The following CIB2 variants were observed in gnomAD, a reference collection of about 807,000 sequenced individuals.
CIB2 encodes calcium and integrin-binding family member 2.
CIB2 carries 19 observed loss-of-function variants against 23.1 expected under a neutral mutation model. The observed-to-expected ratio is 0.82, with a 90% CI of 0.57 to 1.21. The LOEUF (loss-of-function observed/expected upper bound fraction) is 1.21. CIB2 is among the 50% of genes most tolerant of loss of function. CIB2 has a pLI of 0.00. For synonymous variants in CIB2, 94 were observed against 91.7 expected (o/e 1.03, Z -0.14); for missense variants, 220 against 241.5 (o/e 0.91, Z 0.59).
chr15:78,121,079 T>C (rs2074311388), intron 2 of CIB2, among the ~76,000 whole-genome samples: 1 of 152,252 alleles, frequency 6.6e-6, no homozygotes, highest in East Asian at 1.9e-4. Flanking sequence ...GAAACTGGAA[T>C]TGAGCCATCA....
intron 2 of CIB2, among the ~76,000 whole-genome samples, chr15:78,119,283 T>A (rs2074284801): frequency 6.6e-6 from 1 of 152,246 alleles, no homozygotes; most frequent in African/African-American, 2.4e-5. Flanking sequence ...TCCTTCCTTT[T>A]GCAGGTTGAA....
intron 2 of CIB2, among the ~76,000 whole-genome samples, chr15:78,116,971 A>C (rs905584644): frequency 1.3e-4 from 20 of 150,474 alleles, no homozygotes; most frequent in East Asian, 5.8e-4. Flanking sequence ...AAAAAAAAAA[A>C]CACAACTAAG....
intron 2 of CIB2, among the ~76,000 whole-genome samples, chr15:78,118,406 CAT>C (rs2074270151): frequency 6.6e-6 from 1 of 152,020 alleles, no homozygotes; most frequent in African/African-American, 2.4e-5. Context: ...GCCTGACCAA[CAT>C]GGTGAAACCC....
chr15:78,127,179 A>G (rs994772966), intron 1 of CIB2, among the ~76,000 whole-genome samples: 2 of 152,158 alleles, frequency 1.3e-5, no homozygotes, highest in Non-Finnish European at 2.9e-5. Context: ...ATCTCCCCAG[A>G]GTCGGTAGCT....
rs538783433 is a variant in CIB2, at chr15:78,115,834, C to G, written c.87-4558G>C. Reference sequence around the variant, plus strand: ...CTGGGACTACAGGCGCCCGCCACCACACCCGGCTAATTTTTGTATATACTG... The same window carrying G: ...CTGGGACTACAGGCGCCCGCCACCAGACCCGGCTAATTTTTGTATATACTG... On this transcript the variant is annotated intron_variant, in intron 2 of 5. Coordinates refer to ENST00000258930, the MANE Select transcript of CIB2 (RefSeq NM_006383.4). 2.9e-4 allele frequency among the ~76,000 whole-genome samples: 44 copies of G among 151,926 alleles called. No individual in the cohort carries two copies. The South Asian group carries it at 5.4e-3, about 19-fold the overall frequency.
chr15:78,105,936 T>G lies in CIB2; in HGVS notation c.347-2A>C, dbSNP rs1363188459. The G allele has an allele frequency of 6.2e-7, 1 of 1,613,712 alleles. No individual in the cohort carries two copies. Among genetic ancestry groups the G allele is most frequent in the African/African-American group, 1.3e-5 (1 of 74,904 alleles). On this transcript the variant is annotated splice_acceptor_variant, in intron 4 of 5. Coordinates refer to ENST00000258930, the MANE Select transcript of CIB2 (RefSeq NM_006383.4). LOFTEE classifies it high-confidence loss of function. The stretch of plus-strand genomic sequence containing the variant: ...AGATGAAGTTGTCAGTGTTGAAGTC[T>G]GTAGGGCAGGGGTTGGACATGTTCA...
intron 2 of CIB2, among the ~76,000 whole-genome samples, chr15:78,113,574 A>G (rs1464034766): frequency 6.8e-6 from 1 of 147,006 alleles, no homozygotes; most frequent in Admixed American, 6.9e-5. Flanking sequence ...TCTGTCGCCC[A>G]GGCTAGAGTA....
intron 2 of CIB2, 30 bp downstream of exon 2, chr15:78,123,675 C>T (rs373983611): frequency 4.6e-5 from 75 of 1,613,552 alleles, no homozygotes; most frequent in Admixed American, 1.5e-4. Context: ...AGTCCCAGTC[C>T]CAACAGGGTG....
intron 2 of CIB2, among the ~76,000 whole-genome samples, chr15:78,113,592 G>T (rs2074193315): frequency 6.7e-6 from 1 of 150,152 alleles, no homozygotes; most frequent in Admixed American, 6.6e-5. Flanking sequence ...GTACAGTGGC[G>T]CGATCTCGGC....
intron 2 of CIB2, among the ~76,000 whole-genome samples, chr15:78,112,171 C>G (rs1206238445): frequency 6.6e-6 from 1 of 152,216 alleles, no homozygotes; most frequent in Non-Finnish European, 1.5e-5. Flanking sequence ...TCCCCGCCCC[C>G]TGCCCATTAT....
At position 78,105,294 on chromosome 15, in the gene CIB2, C is replaced by T. The variant is rs1247821075; in HGVS notation, c.*17G>A. On this transcript the variant is annotated 3_prime_UTR_variant, in exon 6 of 6. Transcript: ENST00000258930. Reference sequence around the variant, plus strand: ...AGGATGGTGGACTTCTAGGCCCCTACAGCCTCGGCAGTGTCCTCAGATCCG... The same window carrying T: ...AGGATGGTGGACTTCTAGGCCCCTATAGCCTCGGCAGTGTCCTCAGATCCG... 3.1e-6 allele frequency: 5 copies of T among 1,613,936 alleles called. No homozygotes were observed. Among genetic ancestry groups the T allele is most frequent in the Middle Eastern group, 1.7e-4 (1 of 6,050 alleles).
chr15:78,122,698 C>T (rs943937313), intron 2 of CIB2, among the ~76,000 whole-genome samples: 3 of 152,260 alleles, frequency 2.0e-5, no homozygotes, highest in African/African-American at 7.2e-5. Flanking sequence ...CCCAAGGCCA[C>T]AGATGCCAGG....
intron 2 of CIB2, among the ~76,000 whole-genome samples, chr15:78,112,053 C>A (rs1273049069): frequency 6.6e-6 from 1 of 152,166 alleles, no homozygotes; most frequent in Admixed American, 6.5e-5. Context: ...GGGTCAGGTC[C>A]CTAGCTCCTG....
chr15:78,113,952 G>T (rs1247672947), intron 2 of CIB2, among the ~76,000 whole-genome samples: 1 of 152,198 alleles, frequency 6.6e-6, no homozygotes, highest in East Asian at 1.9e-4. Flanking sequence ...CTACACCTCT[G>T]AAGTTTTGTG....
chr15:78,109,409 TG>T, intron 3 of CIB2, 27 bp from the exon 4 acceptor site: 1 of 1,613,374 alleles, frequency 6.2e-7, no homozygotes, highest in Non-Finnish European at 8.5e-7. Flanking sequence ...CAGCAATCAC[TG>T]TGGGTGCAGG....
intron 2 of CIB2, among the ~76,000 whole-genome samples, chr15:78,117,049 A>G (rs2074249886): frequency 6.6e-6 from 1 of 151,746 alleles, no homozygotes; most frequent in Non-Finnish European, 1.5e-5. Context: ...AACAAAAGAT[A>G]TAAAAATATT....
chr15:78,109,599 C>G, intron 3 of CIB2: 1 of 589,622 alleles, frequency 1.7e-6, no homozygotes, highest in Non-Finnish European at 3.0e-6. Context: ...GTACCAGGCC[C>G]GGCACATGTA....
At chr15:78,107,282 G>C (rs2074086168) in intron 4 of CIB2, among the ~76,000 whole-genome samples, 1 of 152,120 alleles carries the variant, frequency 6.6e-6, no homozygotes, top group African/African-American at 2.4e-5. Flanking sequence ...GTACCTGCCT[G>C]AGGTCACATC....
chr15:78,105,144 C>G lies in CIB2; in HGVS notation c.*167G>C. On this transcript the variant is annotated 3_prime_UTR_variant, in exon 6 of 6. Coordinates refer to ENST00000258930, the MANE Select transcript of CIB2 (RefSeq NM_006383.4). ...TGGGAAGGGTCCTAACCTTCACAGG[C>G]CCCCTTCCTGGTTAAGGTTTTTTTT... 2 of 930,152 alleles carry G rather than the reference C, an allele frequency of 2.2e-6. No individual in the cohort carries two copies. Among genetic ancestry groups the G allele is most frequent in the Non-Finnish European group, 3.2e-6 (2 of 623,668 alleles). The allele number at this position is 930,152 out of a possible 1,614,324, so 57.6% of individuals were successfully genotyped here.
Sources: allele counts gnomAD v4.1 joint callset (sites outside exome capture counted in the v4.1 genomes callset), GRCh38; gene constraint gnomAD v4.1.1; transcripts MANE v1.5; gene names NCBI Gene and HGNC (gene_info 2026-07-23, HGNC 2026-07-21).